CA5A: variants seen among roughly 807,000 people sequenced by gnomAD.
CA5A encodes carbonic anhydrase 5A, mitochondrial.
A neutral mutation model predicts 37.1 loss-of-function variants in CA5A; 28 were observed. The observed-to-expected ratio is 0.75, with a 90% CI of 0.56 to 1.03. The LOEUF is 1.03. Among genes scored for constraint, CA5A ranks in the 50% least tolerant of loss-of-function variants. CA5A has a pLI of 0.00. For missense variants in CA5A, 444 were observed against 399.9 expected (o/e 1.11, Z -0.94); for synonymous variants, 171 against 158.4 (o/e 1.08, Z -0.60).
intron 5 of CA5A, among the ~76,000 whole-genome samples, chr16:87,900,126 G>A (rs988373224): frequency 1.1e-4 from 16 of 151,926 alleles, no homozygotes; most frequent in African/African-American, 3.6e-4. Context: ...AACCTTCCCC[G>A]GGAGGAAAAC....
At chr16:87,927,656 T>C (rs2056331056) in intron 1 of CA5A, among the ~76,000 whole-genome samples, 1 of 151,422 alleles carries the variant, frequency 6.6e-6, no homozygotes, top group Non-Finnish European at 1.5e-5. Flanking sequence ...AGGTCAGGAG[T>C]TTGAGACCAG....
At chr16:87,908,577 C>CA (rs2055999682) in intron 2 of CA5A, among the ~76,000 whole-genome samples, 1 of 152,184 alleles carries the variant, frequency 6.6e-6, no homozygotes, top group Non-Finnish European at 1.5e-5. Flanking sequence ...TCCCCACCCA[C>CA]AAAACCTAGT....
At chr16:87,933,836 A>T (rs1191108679) in intron 1 of CA5A, among the ~76,000 whole-genome samples, 2 of 152,214 alleles carry the variant, frequency 1.3e-5, no homozygotes, top group African/African-American at 4.8e-5. Context: ...ACATAGAAGG[A>T]TGAATTCCTT....
At position 87,895,357 on chromosome 16, in the gene CA5A, C is replaced by T. The variant is rs200344394; in HGVS notation, c.619-3403G>A. On this transcript the variant is annotated intron_variant, in intron 5 of 6. Coordinates refer to ENST00000649794, the MANE Select transcript of CA5A (RefSeq NM_001739.2). ...GGTCAGGAGTTCGAGACCAGCCTGACCAACATGGCGAAACCATGTCTCTAC... is the reference window on the plus strand; with the variant it reads ...GGTCAGGAGTTCGAGACCAGCCTGATCAACATGGCGAAACCATGTCTCTAC... Among the ~76,000 whole-genome samples the T allele has an allele frequency of 2.6e-5, 4 of 152,314 alleles. No individual in the cohort carries two copies. In the East Asian group the frequency reaches 7.7e-4, roughly 29 times the overall value.
downstream of CA5A, chr16:87,886,391 G>C (rs891292358): frequency 9.5e-4 from 145 of 152,244 alleles, no homozygotes; most frequent in Middle Eastern, 3.4e-3. Flanking sequence ...CGAAAGTGCT[G>C]GGTTTACAGG....
intron 1 of CA5A, 150 bp from the exon 2 acceptor site, chr16:87,927,095 C>T (rs1365173948): frequency 5.9e-5 from 36 of 612,924 alleles, no homozygotes; most frequent in Non-Finnish European, 8.4e-5. Flanking sequence ...GGGGCCCCTG[C>T]GCAGCGACGC....
chr16:87,901,822 CGTGAT>C (rs2055882307), intron 5 of CA5A, 85 bp downstream of exon 5: 3 of 1,058,688 alleles, frequency 2.8e-6, no homozygotes, highest in Non-Finnish European at 4.3e-6. Flanking sequence ...CCCAACCTCA[CGTGAT>C]CCACCTGCCT....
At chr16:87,912,722 C>T (rs985331707) in intron 2 of CA5A, among the ~76,000 whole-genome samples, 17 of 152,190 alleles carry the variant, frequency 1.1e-4, no homozygotes, top group African/African-American at 3.6e-4. Context: ...CTTGGGACGC[C>T]CAGGAGGGCC....
intron 5 of CA5A, among the ~76,000 whole-genome samples, chr16:87,897,310 A>T (rs57590644): frequency 0.3 from 46,391 of 152,112 alleles, 7,875 homozygotes; most frequent in African/African-American, 0.46. Context: ...TTGTCCAGGC[A>T]TGGAGGGTGG....
intron 5 of CA5A, chr16:87,893,589 A>T: frequency 1.5e-6 from 1 of 688,578 alleles, no homozygotes; most frequent in Non-Finnish European, 2.5e-6. Flanking sequence ...GACCTGCAAG[A>T]CTCACAAGAG....
At chr16:87,922,502 A>C (rs897122155) in intron 2 of CA5A, among the ~76,000 whole-genome samples, 5 of 152,256 alleles carry the variant, frequency 3.3e-5, no homozygotes, top group African/African-American at 1.2e-4. Context: ...GCTGAACAGA[A>C]AATGACAAGT....
chr16:87,935,992 G>A (rs2056465584), intron 1 of CA5A, among the ~76,000 whole-genome samples: 1 of 152,020 alleles, frequency 6.6e-6, no homozygotes, highest in African/African-American at 2.4e-5. Flanking sequence ...CTAACACAGT[G>A]AAACCCTGTC....
intron 1 of CA5A, among the ~76,000 whole-genome samples, chr16:87,929,850 C>T (rs1436032971): frequency 2.0e-5 from 2 of 102,468 alleles, no homozygotes; most frequent in African/African-American, 3.9e-5. Context: ...CCAGCCTGGG[C>T]AATACAGCGA....
At chr16:87,914,894 C>T (rs753151782) in intron 2 of CA5A, among the ~76,000 whole-genome samples, 16 of 152,204 alleles carry the variant, frequency 1.1e-4, no homozygotes, top group Non-Finnish European at 2.1e-4. Context: ...GAGCCAGGAA[C>T]AGAGCTGAGA....
intron 1 of CA5A, among the ~76,000 whole-genome samples, chr16:87,929,451 CAAAAAAAAAAA>C (rs138039345): frequency 1.1e-5 from 1 of 88,134 alleles, no homozygotes; most frequent in African/African-American, 4.2e-5. Context: ...AATTCGGTCT[CAAAAAAAAAAA>C]AAAAAAAAGA....
chr16:87,897,551 G>A (rs1056576689), intron 5 of CA5A, among the ~76,000 whole-genome samples: 5 of 152,204 alleles, frequency 3.3e-5, no homozygotes, highest in African/African-American at 7.2e-5. Context: ...TCCAGGCAGC[G>A]CCTGATGTGG....
At chr16:87,931,944 A>C (rs1451824568) in intron 1 of CA5A, among the ~76,000 whole-genome samples, 1 of 150,164 alleles carries the variant, frequency 6.7e-6, no homozygotes, top group African/African-American at 2.4e-5. Context: ...TGTTCTCTCC[A>C]AAGAGCCTCT....
intron 1 of CA5A, among the ~76,000 whole-genome samples, chr16:87,935,668 G>A (rs190045617): frequency 8.1e-4 from 123 of 152,064 alleles, no homozygotes; most frequent in Middle Eastern, 3.4e-3. Flanking sequence ...CTGAGGTCAG[G>A]AGTTCGAGAC....
chr16:87,926,271 G>A (rs1450216180), intron 2 of CA5A, among the ~76,000 whole-genome samples: 1 of 152,022 alleles, frequency 6.6e-6, no homozygotes, highest in Non-Finnish European at 1.5e-5. Flanking sequence ...ACTGCCTGCT[G>A]AAGCCTGCAG....
Sources: gnomAD v4.1 joint callset for allele counts (sites outside exome capture counted in the v4.1 genomes callset) on GRCh38, gnomAD v4.1.1 for gene constraint, MANE v1.5 for transcripts, NCBI Gene and HGNC (gene_info 2026-07-23, HGNC 2026-07-21) for gene names.